Variants in USP37 observed in about 807,000 individuals in gnomAD.
USP37 encodes ubiquitin specific peptidase 37.
In USP37, 27 loss-of-function variants were observed where a neutral mutation model predicts 124.0. The ratio of observed to expected loss-of-function variants is 0.22; its 90% confidence interval spans 0.16 to 0.30. The LOEUF (loss-of-function observed/expected upper bound fraction) is 0.30. Ranked by LOEUF, USP37 falls within the 10% of genes least tolerant of loss-of-function variation. USP37 has a pLI of 1.00. For missense variants in USP37, 889 were observed against 1,140.4 expected, an observed-to-expected ratio of 0.78 and a Z score of 3.17; for synonymous variants, 365 against 388.0, an observed-to-expected ratio of 0.94 and a Z score of 0.70.
At chr2:218,495,988 T>C (rs1463696824) in intron 13 of USP37, 38 bp from the exon 14 acceptor site, 2 of 1,569,630 alleles carry the variant, frequency 1.3e-6, no homozygotes, top group African/African-American at 2.7e-5. Flanking sequence ...GATAAAAACA[T>C]TTCTTGTCAC....
chr2:218,558,736 A>G, intron 3 of USP37, 59 bp from the exon 4 acceptor site: 10 of 1,295,144 alleles, frequency 7.7e-6, no homozygotes, highest in Admixed American at 2.3e-5. Flanking sequence ...GAAAAATAAG[A>G]TAAGTTATAA....
rs115191988 is a variant in USP37 at position 218,498,383 on chromosome 2, G to A, written c.1026-226C>T. On this transcript the variant is annotated intron_variant, in intron 11 of 25. Transcript: ENST00000258399. ...CATTTCTAACAAGTTACTAGATCACGTTGATGCTGCTGGTCTGGGGACTCT... is the reference window on the plus strand; with the variant it reads ...CATTTCTAACAAGTTACTAGATCACATTGATGCTGCTGGTCTGGGGACTCT... 1.1e-3 allele frequency: 350 copies of A among 308,388 alleles called. 1 individual carries two copies. The highest frequency in any genetic ancestry group is 7.2e-3 in the African/African-American group (328 of 45,576). The allele number at this position is 308,388 out of a possible 1,614,324, so 19.1% of individuals were successfully genotyped here.
chr2:218,525,237 T>C (rs1367906234), intron 10 of USP37, among the ~76,000 whole-genome samples: 2 of 152,194 alleles, frequency 1.3e-5, no homozygotes, highest in Admixed American at 1.3e-4. Flanking sequence ...TCCCAGCACT[T>C]TGGGAGGCTG....
At chr2:218,475,836 G>C (rs2106419513) in intron 19 of USP37, among the ~76,000 whole-genome samples, 1 of 151,878 alleles carries the variant, frequency 6.6e-6, no homozygotes, top group East Asian at 1.9e-4. Flanking sequence ...TGAGGCAGGA[G>C]AATCACTTGA....
chr2:218,503,937 T>C (rs1409471657), intron 11 of USP37, among the ~76,000 whole-genome samples: 2 of 152,132 alleles, frequency 1.3e-5, no homozygotes, highest in Non-Finnish European at 2.9e-5. Flanking sequence ...TCTAAATACT[T>C]CAACCATCAA....
chr2:218,457,250 G>C, intron 23 of USP37, 89 bp from the exon 24 acceptor site: 2 of 1,295,742 alleles, frequency 1.5e-6, no homozygotes, highest in South Asian at 1.3e-5. Flanking sequence ...AGCTGACATG[G>C]CTAAGCTTTG....
intron 20 of USP37, among the ~76,000 whole-genome samples, chr2:218,467,410 G>A (rs1000237803): frequency 2.0e-5 from 3 of 151,402 alleles, no homozygotes; most frequent in Non-Finnish European, 2.9e-5. Flanking sequence ...GTGCAGTGGC[G>A]CGATCTCGGC....
At chr2:218,466,687 G>A (rs1034852889) in intron 20 of USP37, among the ~76,000 whole-genome samples, 2 of 152,126 alleles carry the variant, frequency 1.3e-5, no homozygotes, top group African/African-American at 4.8e-5. Flanking sequence ...AGCAAATGAA[G>A]TAAGAATTAG....
At chr2:218,514,619 G>T (rs558690241) in intron 10 of USP37, among the ~76,000 whole-genome samples, 110 of 152,270 alleles carry the variant, frequency 7.2e-4, no homozygotes, top group African/African-American at 2.6e-3. Flanking sequence ...TCTCTACAGT[G>T]AAGTTTCTAT....
chr2:218,540,184 C>A (rs1200480448), intron 8 of USP37, among the ~76,000 whole-genome samples: 1 of 152,092 alleles, frequency 6.6e-6, no homozygotes, highest in African/African-American at 2.4e-5. Flanking sequence ...AATACTCTCA[C>A]AGTTGGTCTG....
chr2:218,486,939 G>C (rs1414149388), intron 15 of USP37, among the ~76,000 whole-genome samples: 1 of 151,992 alleles, frequency 6.6e-6, no homozygotes, highest in Non-Finnish European at 1.5e-5. Context: ...TGTTAGCCAG[G>C]ATGGTCTCGA....
intron 22 of USP37, among the ~76,000 whole-genome samples, chr2:218,462,685 T>C (rs892778683): frequency 2.0e-5 from 3 of 152,134 alleles, no homozygotes; most frequent in African/African-American, 7.2e-5. Context: ...GATGATAGAT[T>C]GTTCTTGCTA....
rs1295487893 is a variant in USP37, at chr2:218,466,104, T to C, written c.2372A>G (p.Gln791Arg). The change falls in exon 21 of 26, where the codon CAG becomes CGG. Residue 791 changes from glutamine (Q) to arginine (R), a missense_variant. Physicochemically the swap from Gln to Arg is conservative, Grantham distance 43 (BLOSUM62 1). This residue lies in a region of USP37 where 504 missense variants were observed against 714.3 expected (regional missense o/e 0.71). Transcript: ENST00000258399. ...NKENKTPEGS[Q>R]GEVDWLQQYD... ...CTGCTGGAGCCAATCAACTTCTCCC[T>C]GAGATCCTTCTGGAGTTTTGTTTTC... 6.2e-7 allele frequency: 1 copy of C among 1,614,044 alleles called. No homozygotes were observed. Among genetic ancestry groups the C allele is most frequent in the South Asian group, 1.1e-5 (1 of 91,030 alleles).
intron 11 of USP37, 128 bp from the exon 12 acceptor site, chr2:218,498,285 C>A: frequency 1.1e-6 from 1 of 945,386 alleles, no homozygotes; most frequent in South Asian, 2.3e-5. Flanking sequence ...TATTACTACA[C>A]CCTAACCCCA....
chr2:218,490,447 G>A (rs1046090548), intron 14 of USP37, among the ~76,000 whole-genome samples: 7 of 152,260 alleles, frequency 4.6e-5, no homozygotes, highest in Non-Finnish European at 8.8e-5. Flanking sequence ...ATTTTAAAAC[G>A]TGAGCTCAGA....
chr2:218,548,254 T>C (rs1187504093), intron 6 of USP37, among the ~76,000 whole-genome samples: 2 of 152,194 alleles, frequency 1.3e-5, no homozygotes, highest in African/African-American at 4.8e-5. Context: ...CTTTTTGTTA[T>C]ACAAACAGTA....
intron 1 of USP37, among the ~76,000 whole-genome samples, chr2:218,567,494 C>T (rs1693687945): frequency 6.6e-6 from 1 of 152,178 alleles, no homozygotes; most frequent in South Asian, 2.1e-4. Context: ...ATCTCCAAAC[C>T]CACTATATCC....
intron 14 of USP37, among the ~76,000 whole-genome samples, chr2:218,491,165 T>C (rs1574876338): frequency 6.6e-6 from 1 of 152,104 alleles, no homozygotes; most frequent in Admixed American, 6.6e-5. Flanking sequence ...TGAGCCACCA[T>C]GCTCTGCCCA....
chr2:218,563,792 A>T (rs1182311836), intron 1 of USP37, among the ~76,000 whole-genome samples: 2 of 152,214 alleles, frequency 1.3e-5, no homozygotes, highest in South Asian at 4.1e-4. Context: ...GGTGGCTCAC[A>T]CCTGTAATCC....
Sources: allele counts gnomAD v4.1 joint callset (sites outside exome capture counted in the v4.1 genomes callset), GRCh38; gene constraint gnomAD v4.1.1; regional missense constraint gnomAD v4.1.1; transcripts MANE v1.5; gene names NCBI Gene and HGNC (gene_info 2026-07-23, HGNC 2026-07-21).